Variants in OSBPL8 observed in about 807,000 individuals in gnomAD.
OSBPL8 encodes oxysterol binding protein like 8.
OSBPL8 carries 59 observed loss-of-function variants against 125.5 expected under a neutral mutation model. That is an observed-to-expected ratio of 0.47 (90% CI 0.38 to 0.58). The LOEUF (loss-of-function observed/expected upper bound fraction) is 0.58. Among genes scored for constraint, OSBPL8 ranks in the 20% least tolerant of loss-of-function variants. The pLI, the probability that OSBPL8 is intolerant of heterozygous loss-of-function variation, is 0.00. For missense variants in OSBPL8, 758 were observed against 1,047.8 expected (o/e 0.72, Z 3.82); for synonymous variants, 330 against 338.9 (o/e 0.97, Z 0.29).
intron 3 of OSBPL8, among the ~76,000 whole-genome samples, chr12:76,451,444 C>T (rs544005471): frequency 2.6e-5 from 4 of 152,174 alleles, no homozygotes; most frequent in South Asian, 2.1e-4. Context: ...ATTTGACATT[C>T]GCTAGAATTT....
chr12:76,449,117 A>G (rs539466438), intron 4 of OSBPL8, among the ~76,000 whole-genome samples: 14 of 152,350 alleles, frequency 9.2e-5, no homozygotes, highest in African/African-American at 3.4e-4. Context: ...TAATTCATAA[A>G]GTTACAACAT....
At chr12:76,406,623 G>T (rs1954272482) in intron 5 of OSBPL8, among the ~76,000 whole-genome samples, 1 of 152,082 alleles carries the variant, frequency 6.6e-6, no homozygotes, top group South Asian at 2.1e-4. Context: ...AAGAGGAACT[G>T]CCTTATTTTT....
chr12:76,398,876 G>A (rs1953933931), intron 7 of OSBPL8, among the ~76,000 whole-genome samples: 1 of 152,098 alleles, frequency 6.6e-6, no homozygotes, highest in African/African-American at 2.4e-5. Context: ...AGGGAGATAG[G>A]TACCCTGAAA....
At chr12:76,411,997 C>A (rs200141612) in intron 4 of OSBPL8, among the ~76,000 whole-genome samples, 1 of 152,046 alleles carries the variant, frequency 6.6e-6, no homozygotes, top group Admixed American at 6.5e-5. Context: ...ACATTCTACA[C>A]GGAGGAATTC....
intron 2 of OSBPL8, among the ~76,000 whole-genome samples, chr12:76,484,285 T>C (rs1877887848): frequency 6.6e-6 from 1 of 152,208 alleles, no homozygotes; most frequent in African/African-American, 2.4e-5. Flanking sequence ...GTTTCCTTGC[T>C]CATTTTCAAT....
chr12:76,356,066 A>G, intron 23 of OSBPL8, 45 bp from the exon 24 acceptor site: 4 of 1,410,378 alleles, frequency 2.8e-6, no homozygotes, highest in Non-Finnish European at 3.8e-6. Context: ...TTTGCCAGAA[A>G]TGTTGGCATA....
At chr12:76,483,026 C>T (rs779910225) in intron 2 of OSBPL8, among the ~76,000 whole-genome samples, 21 of 152,098 alleles carry the variant, frequency 1.4e-4, no homozygotes, top group Admixed American at 2.6e-4. Context: ...CTTTAGGAGG[C>T]CGAGGCAGGC....
intron 15 of OSBPL8, among the ~76,000 whole-genome samples, chr12:76,383,647 G>A: frequency 6.6e-6 from 1 of 151,740 alleles, no homozygotes. Context: ...AAATTTAATT[G>A]TTCTTCTTCA....
At chr12:76,363,806 T>C (rs1952299897) in intron 21 of OSBPL8, among the ~76,000 whole-genome samples, 1 of 151,876 alleles carries the variant, frequency 6.6e-6, no homozygotes, top group Non-Finnish European at 1.5e-5. Context: ...TTAAACAAAT[T>C]TACGAGAAAA....
intron 1 of OSBPL8, among the ~76,000 whole-genome samples, chr12:76,509,625 C>A (rs1880776574): frequency 6.6e-6 from 1 of 152,024 alleles, no homozygotes; most frequent in Non-Finnish European, 1.5e-5. Context: ...ATATTTCTTC[C>A]ATTCTAATAC....
chr12:76,443,538 T>C (rs1872430402), intron 4 of OSBPL8, among the ~76,000 whole-genome samples: 2 of 152,172 alleles, frequency 1.3e-5, no homozygotes, highest in Admixed American at 1.3e-4. Context: ...AGACAGAGTC[T>C]TGCTCTGTCT....
At chr12:76,544,114 G>C (rs1342663053) in intron 1 of OSBPL8, among the ~76,000 whole-genome samples, 4 of 152,170 alleles carry the variant, frequency 2.6e-5, no homozygotes, top group African/African-American at 9.7e-5. Flanking sequence ...TCTCCATTCA[G>C]AGTAGTCACT....
intron 18 of OSBPL8, among the ~76,000 whole-genome samples, chr12:76,372,889 GCA>G (rs1304809861): frequency 6.6e-6 from 1 of 152,068 alleles, no homozygotes; most frequent in Admixed American, 6.6e-5. Flanking sequence ...GTGCATAAAA[GCA>G]CAGTCCTGGG....
intron 1 of OSBPL8, among the ~76,000 whole-genome samples, chr12:76,541,043 T>C (rs1315559698): frequency 6.6e-6 from 1 of 152,194 alleles, no homozygotes; most frequent in Admixed American, 6.5e-5. Context: ...TGATCTTTCA[T>C]ACCAACGGCT....
intron 10 of OSBPL8, among the ~76,000 whole-genome samples, chr12:76,392,020 C>G (rs762249051): frequency 7.9e-5 from 12 of 152,054 alleles, no homozygotes; most frequent in Non-Finnish European, 1.3e-4. Context: ...GCACTACTGC[C>G]CAGTTTCCTT....
chr12:76,440,935 A>G (rs577268767), intron 4 of OSBPL8, among the ~76,000 whole-genome samples: 1 of 152,142 alleles, frequency 6.6e-6, no homozygotes, highest in African/African-American at 2.4e-5. Flanking sequence ...TTTACTGACA[A>G]TTCACATTGT....
At chr12:76,554,552 T>TA (rs981402500) in intron 1 of OSBPL8, among the ~76,000 whole-genome samples, 6 of 152,014 alleles carry the variant, frequency 3.9e-5, no homozygotes, top group Non-Finnish European at 7.4e-5. Flanking sequence ...TGCTCAGGTT[T>TA]AAAAAAAAGA....
intron 9 of OSBPL8, among the ~76,000 whole-genome samples, chr12:76,393,438 C>T (rs539066056): frequency 7.9e-5 from 12 of 152,180 alleles, no homozygotes; most frequent in Admixed American, 3.9e-4. Flanking sequence ...CGGCCAGGCG[C>T]GGTGGCTCAC....
intron 4 of OSBPL8, among the ~76,000 whole-genome samples, chr12:76,418,177 G>C (rs1385413756): frequency 6.6e-6 from 1 of 151,852 alleles, no homozygotes; most frequent in African/African-American, 2.4e-5. Context: ...AGCTCATTTT[G>C]TATTTTTAGT....
Sources: allele counts gnomAD v4.1 joint callset (sites outside exome capture counted in the v4.1 genomes callset), GRCh38; gene constraint gnomAD v4.1.1; transcripts MANE v1.5; gene names NCBI Gene and HGNC (gene_info 2026-07-23, HGNC 2026-07-21).